The following SVIL variants were observed in gnomAD, a reference collection of about 807,000 sequenced individuals.
SVIL encodes the protein archvillin.
A neutral mutation model predicts 240.4 loss-of-function variants in SVIL; 101 were observed. That is an observed-to-expected ratio of 0.42 (90% CI 0.36 to 0.50). The LOEUF (loss-of-function observed/expected upper bound fraction) is 0.50, where lower values mean the gene tolerates loss of function less well. Among genes scored for constraint, SVIL ranks in the 20% least tolerant of loss-of-function variants. SVIL has a pLI of 0.01. For missense variants in SVIL, 2,512 were observed against 2,818.7 expected, an observed-to-expected ratio of 0.89 and a Z score of 2.46; for synonymous variants, 999 against 1,100.0, an observed-to-expected ratio of 0.91 and a Z score of 1.82.
At chr10:29,589,139 A>C (rs1214890724) in intron 1 of SVIL, among the ~76,000 whole-genome samples, 1 of 152,356 alleles carries the variant, frequency 6.6e-6, no homozygotes, top group African/African-American at 2.4e-5. Flanking sequence ...GCCAAAGGGA[A>C]AAAAAACAAG....
At chr10:29,621,087 C>T (rs1049669999) in intron 1 of SVIL, among the ~76,000 whole-genome samples, 7 of 151,880 alleles carry the variant, frequency 4.6e-5, no homozygotes, top group South Asian at 2.1e-4. Context: ...TACAGGTGCA[C>T]GCCCCACCCA....
chr10:29,696,056 A>C (rs1961956117), intron 1 of SVIL, among the ~76,000 whole-genome samples: 3 of 150,970 alleles, frequency 2.0e-5, no homozygotes, highest in African/African-American at 7.3e-5. Context: ...TCCCTGCCTG[A>C]TTCTCCTGCC....
At position 29,531,900 on chromosome 10, in the gene SVIL, C is replaced by G. The variant is rs569479538; in HGVS notation, c.2009+102G>C. On this transcript the variant is annotated intron_variant, in intron 9 of 37. Transcript: ENST00000355867. ...AGGTTAGATGGAACAATTATGGAAT[C>G]GCCAACATCCTATATAAATAGCGTC... 3.1e-6 allele frequency: 4 copies of G among 1,310,560 alleles called. No homozygotes were observed. The African/African-American group carries it at 4.4e-5, about 15-fold the overall frequency. 81.2% of individuals were successfully genotyped at this position (1,310,560 alleles called of 1,614,324 possible).
intron 2 of SVIL, among the ~76,000 whole-genome samples, chr10:29,675,594 C>T (rs754806605): frequency 6.6e-5 from 10 of 152,184 alleles, no homozygotes; most frequent in Non-Finnish European, 1.2e-4. Context: ...TCTGCTCTTC[C>T]ACCAGTCCCA....
At chr10:29,499,046 C>T (rs1948674110) in intron 18 of SVIL, 70 bp downstream of exon 18, 1 of 1,565,974 alleles carries the variant, frequency 6.4e-7, no homozygotes, top group East Asian at 2.3e-5. Context: ...CCACCATGCC[C>T]TCCATGGGTA....
At chr10:29,641,848 A>G (rs1029349010) in intron 3 of SVIL, among the ~76,000 whole-genome samples, 1 of 152,310 alleles carries the variant, frequency 6.6e-6, no homozygotes, top group South Asian at 2.1e-4. Flanking sequence ...CACCACATTT[A>G]GATAAACCCA....
intron 12 of SVIL, 125 bp from the exon 13 acceptor site, chr10:29,527,181 T>C (rs1468476992): frequency 1.1e-6 from 1 of 906,970 alleles, no homozygotes. Flanking sequence ...TTTTGCTAAT[T>C]ATTTTTGGGG....
At chr10:29,621,098 T>C (rs1957622216) in intron 1 of SVIL, among the ~76,000 whole-genome samples, 1 of 151,940 alleles carries the variant, frequency 6.6e-6, no homozygotes, top group Non-Finnish European at 1.5e-5. Context: ...GCCCCACCCA[T>C]CCTTGCCTTT....
At chr10:29,709,671 A>C (rs2132664298) in intron 1 of SVIL, among the ~76,000 whole-genome samples, 1 of 152,296 alleles carries the variant, frequency 6.6e-6, no homozygotes, top group Admixed American at 6.5e-5. Context: ...GCGTCACCCC[A>C]GTGAGTTTCG....
chr10:29,512,323 T>C (rs1324963449), intron 17 of SVIL, among the ~76,000 whole-genome samples: 1 of 152,276 alleles, frequency 6.6e-6, no homozygotes, highest in Non-Finnish European at 1.5e-5. Context: ...TTATTTTTTA[T>C]ACTTAGGTTT....
intron 1 of SVIL, among the ~76,000 whole-genome samples, chr10:29,582,323 T>A (rs1955978723): frequency 6.6e-6 from 1 of 152,186 alleles, no homozygotes; most frequent in Non-Finnish European, 1.5e-5. Flanking sequence ...ACAGCTCTTG[T>A]GAGGGGCACA....
At chr10:29,600,901 T>C (rs1275026656) in intron 1 of SVIL, among the ~76,000 whole-genome samples, 3 of 152,192 alleles carry the variant, frequency 2.0e-5, no homozygotes, top group African/African-American at 4.8e-5. Flanking sequence ...GATTATGAAG[T>C]TCCGGGTTCT....
rs112642168 is a variant in SVIL at position 29,531,931 on chromosome 10, C to A, written c.2009+71G>T. 1.7e-4 allele frequency: 268 copies of A among 1,532,000 alleles called. 1 individual carries two copies. In the African/African-American group the frequency reaches 3.3e-3, roughly 19 times the overall value. The allele number at this position is 1,532,000 out of a possible 1,614,324, so 94.9% of individuals were successfully genotyped here. ...CATCCTATATAAATAGCGTCAAGAC[C>A]GTCAGTGTGGTAAAACTCCTGTGTC... On this transcript the variant is annotated intron_variant, in intron 9 of 37. Coordinates refer to ENST00000355867, the MANE Select transcript of SVIL (RefSeq NM_021738.3).
At chr10:29,682,723 G>A (rs1375937166) in intron 2 of SVIL, among the ~76,000 whole-genome samples, 1 of 152,206 alleles carries the variant, frequency 6.6e-6, no homozygotes, top group Admixed American at 6.5e-5. Flanking sequence ...ATTCAGATAT[G>A]CTTTTCTAGG....
At chr10:29,580,600 A>G (rs114855776) in intron 1 of SVIL, among the ~76,000 whole-genome samples, 699 of 152,362 alleles carry the variant, frequency 4.6e-3, no homozygotes, top group African/African-American at 0.016. Context: ...GTGAACATCA[A>G]TGAAAGCACT....
At chr10:29,640,229 C>T (rs1313959602) in intron 3 of SVIL, among the ~76,000 whole-genome samples, 1 of 152,194 alleles carries the variant, frequency 6.6e-6, no homozygotes, top group Non-Finnish European at 1.5e-5. Flanking sequence ...CTCCCAACAA[C>T]ACACTCTCCT....
At chr10:29,530,777 G>T in intron 10 of SVIL, 109 bp from the exon 11 acceptor site, 1 of 1,172,518 alleles carries the variant, frequency 8.5e-7, no homozygotes, top group Non-Finnish European at 1.3e-6. Flanking sequence ...AACAATAGGT[G>T]CACTAAAATA....
chr10:29,471,992 C>CCAACTACCCAGGAGGCTACCT (rs1368602055), intron 30 of SVIL, among the ~76,000 whole-genome samples: 4 of 152,152 alleles, frequency 2.6e-5, no homozygotes, highest in Non-Finnish European at 5.9e-5. Flanking sequence ...GCCTGAAGTC[C>CCAACTACCCAGGAGGCTACCT]CAGCTACCCA....
chr10:29,685,176 G>C (rs1336022569), intron 2 of SVIL, among the ~76,000 whole-genome samples: 4 of 152,088 alleles, frequency 2.6e-5, no homozygotes, highest in African/African-American at 9.7e-5. Flanking sequence ...ACGGTATTTG[G>C]TTTTCTGTTC....
Sources: allele counts gnomAD v4.1 joint callset (sites outside exome capture counted in the v4.1 genomes callset), GRCh38; gene constraint gnomAD v4.1.1; transcripts MANE v1.5; gene names NCBI Gene and HGNC (gene_info 2026-07-23, HGNC 2026-07-21).